The following PYGB variants were observed in gnomAD, a reference collection of about 807,000 sequenced individuals.
PYGB encodes glycogen phosphorylase, brain form.
Under a neutral mutation model 94.3 loss-of-function variants are expected in PYGB, and 82 were observed. The ratio of observed to expected loss-of-function variants is 0.87; its 90% CI spans 0.73 to 1.04. The LOEUF (loss-of-function observed/expected upper bound fraction) is 1.04, where lower values mean the gene tolerates loss of function less well. Among genes scored for constraint, PYGB ranks in the 50% least tolerant of loss-of-function variants. The pLI, the probability that PYGB is intolerant of heterozygous loss-of-function variation, is 0.00. For synonymous variants in PYGB, 488 were observed against 479.1 expected (o/e 1.02, Z -0.24); for missense variants, 1,132 against 1,158.2 (o/e 0.98, Z 0.33).
chr20:25,277,483 G>C (rs758419644), intron 7 of PYGB, among the ~76,000 whole-genome samples, 157 bp downstream of exon 7: 1 of 152,166 alleles, frequency 6.6e-6, no homozygotes, highest in Non-Finnish European at 1.5e-5. Flanking sequence ...CGATGCCCTT[G>C]GGGAGGAGAG....
intron 1 of PYGB, among the ~76,000 whole-genome samples, chr20:25,256,029 G>A (rs956782456): frequency 2.0e-5 from 3 of 152,152 alleles, no homozygotes; most frequent in Non-Finnish European, 4.4e-5. Context: ...CATCACACCT[G>A]GCTCCAGCTC....
intron 19 of PYGB, 88 bp downstream of exon 19, chr20:25,295,758 G>C: frequency 1.4e-6 from 2 of 1,428,158 alleles, no homozygotes; most frequent in South Asian, 2.3e-5. Flanking sequence ...CCCAAGCTGA[G>C]TAGATTCTTG....
rs1427786531 is a variant in PYGB, at chr20:25,297,196, A to G, written c.*674A>G. ...GGAACCCGGGATGACTGAGGGGGAC[A>G]CTGGAGTGGGTGCTTGTGTCTGCTG... is the stretch of plus-strand genomic sequence containing the variant. On this transcript the variant is annotated 3_prime_UTR_variant, in exon 20 of 20. Coordinates refer to ENST00000216962, the MANE Select transcript of PYGB (RefSeq NM_002862.4). 1 of 152,530 alleles carries G rather than the reference A, an allele frequency of 6.6e-6. No individual in the cohort carries two copies. Among genetic ancestry groups the G allele is most frequent in the Non-Finnish European group, 1.5e-5 (1 of 68,284 alleles). The allele number at this position is 152,530 out of a possible 1,614,324, so 9.4% of individuals were successfully genotyped here.
chr20:25,265,109 C>T (rs1306167490), intron 2 of PYGB, among the ~76,000 whole-genome samples: 1 of 152,160 alleles, frequency 6.6e-6, no homozygotes, highest in African/African-American at 2.4e-5. Context: ...GTAGAGCCCT[C>T]AGAAATAATA....
At chr20:25,286,986 C>T (rs2424701) in intron 14 of PYGB, among the ~76,000 whole-genome samples, 23,855 of 152,254 alleles carry the variant, frequency 0.16, 2,167 homozygotes, top group East Asian at 0.35. Flanking sequence ...AGCTGCATTC[C>T]TCCTGGAGCC....
At chr20:25,251,844 C>T (rs1306243742) in intron 1 of PYGB, among the ~76,000 whole-genome samples, 1 of 152,230 alleles carries the variant, frequency 6.6e-6, no homozygotes, top group African/African-American at 2.4e-5. Context: ...GCAGCTCTAC[C>T]TTGGGGCCCA....
At chr20:25,250,529 T>C (rs1281728995) in intron 1 of PYGB, among the ~76,000 whole-genome samples, 2 of 152,216 alleles carry the variant, frequency 1.3e-5, no homozygotes, top group Non-Finnish European at 2.9e-5. Context: ...AGGAAGGACA[T>C]GGAAAATTGG....
At chr20:25,289,948 T>C (rs1434940122) in intron 15 of PYGB, 2 of 533,438 alleles carry the variant, frequency 3.7e-6, no homozygotes, top group Non-Finnish European at 7.7e-6. Context: ...ATGGGTCCCC[T>C]GCCCAGTTGT....
chr20:25,253,433 C>T (rs1341146066), intron 1 of PYGB, among the ~76,000 whole-genome samples: 1 of 152,068 alleles, frequency 6.6e-6, no homozygotes, highest in Non-Finnish European at 1.5e-5. Context: ...AGGTGGATCA[C>T]CTGAGGTCAA....
At chr20:25,280,437 G>A in intron 10 of PYGB, 25 bp downstream of exon 10, 2 of 1,612,556 alleles carry the variant, frequency 1.2e-6, no homozygotes, top group Non-Finnish European at 8.5e-7. Flanking sequence ...AGCTGGCCGT[G>A]TAGGGTGGCG....
chr20:25,276,224 G>C (rs1403292453), intron 5 of PYGB, among the ~76,000 whole-genome samples: 1 of 152,294 alleles, frequency 6.6e-6, no homozygotes, highest in South Asian at 2.1e-4. Flanking sequence ...GGTGATCTGC[G>C]GGGCAAGCAT....
Position 25,248,254 on chromosome 20 carries a change from G to T in PYGB, c.76G>T (p.Ala26Ser). ...VRGLAGLGDVAEVRKSFNRHL... is the reference protein window; with the variant it reads ...VRGLAGLGDVSEVRKSFNRHL... ...CGGCCTGGCGGGGCTAGGCGACGTGGCCGAGGTGCGGAAGAGCTTCAACCG... is the reference window on the plus strand; with the variant it reads ...CGGCCTGGCGGGGCTAGGCGACGTGTCCGAGGTGCGGAAGAGCTTCAACCG... Residue 26 changes from alanine (A) to serine (S), a missense_variant, in exon 1 of 20, where the codon GCC (alanine) becomes TCC (serine). Transcript: ENST00000216962. The T allele has an allele frequency of 6.3e-7, 1 of 1,598,760 alleles. No homozygotes were observed. The highest frequency in any genetic ancestry group is 1.4e-5 in the African/African-American group (1 of 73,536).
rs2088384808 is a variant in PYGB, at chr20:25,283,213, TGAA to T, written c.1561_1563del (p.Lys521del). On this transcript the variant is annotated inframe_deletion, in exon 13 of 20. Transcript: ENST00000216962. ...GAGTTCCTGACTGACCTGAGCCAGC[TGAA>T]GAAGCTGCTGCCGCTGGTCAGTGAC... 1.2e-6 allele frequency: 2 copies of T among 1,613,754 alleles called. No individual in the cohort carries two copies. The highest frequency in any genetic ancestry group is 1.7e-6 in the Non-Finnish European group (2 of 1,179,854).
At chr20:25,278,130 G>T (rs2088330094) in intron 7 of PYGB, among the ~76,000 whole-genome samples, 189 bp from the exon 8 acceptor site, 1 of 152,262 alleles carries the variant, frequency 6.6e-6, no homozygotes, top group South Asian at 2.1e-4. Flanking sequence ...GTGTCCCGGG[G>T]TGTGTCCCAC....
chr20:25,259,935 T>C (rs2092909935), intron 2 of PYGB, among the ~76,000 whole-genome samples: 1 of 152,222 alleles, frequency 6.6e-6, no homozygotes, highest in Non-Finnish European at 1.5e-5. Context: ...TATAACCTTT[T>C]ACCTGCGCAT....
intron 10 of PYGB, 152 bp downstream of exon 10, chr20:25,280,564 G>C: frequency 8.7e-7 from 1 of 1,147,622 alleles, no homozygotes; most frequent in Non-Finnish European, 1.2e-6. Context: ...TCCCTTGGCA[G>C]AGCTATTGGC....
chr20:25,292,350 C>A (rs954938014), intron 16 of PYGB, 56 bp from the exon 17 acceptor site: 3 of 1,579,870 alleles, frequency 1.9e-6, no homozygotes, highest in Admixed American at 3.4e-5. Flanking sequence ...GTGAGCCTTG[C>A]GGCTGAGGAC....
rs2088375508 is a variant in PYGB, at chr20:25,282,294, G to GC, written c.1518+151dup. The GC allele has an allele frequency of 8.7e-6, 6 of 687,876 alleles. No individual in the cohort carries two copies. In the South Asian group the frequency reaches 1.1e-4, roughly 13 times the overall value. The allele number at this position is 687,876 out of a possible 1,614,324, so 42.6% of individuals were successfully genotyped here. On this transcript the variant is annotated intron_variant, in intron 12 of 19. Coordinates refer to ENST00000216962, the MANE Select transcript of PYGB (RefSeq NM_002862.4). The stretch of plus-strand genomic sequence containing the variant: ...GCAGGCTTCTGGACATGAGGGCTGA[G>GC]CCCCTGAACATGGGCGCTGAGCTGG...
At chr20:25,259,547 G>C (rs1337406902) in intron 2 of PYGB, among the ~76,000 whole-genome samples, 1 of 152,182 alleles carries the variant, frequency 6.6e-6, no homozygotes, top group Non-Finnish European at 1.5e-5. Flanking sequence ...CGAACGGACC[G>C]CAAGCGTGGG....
Sources: allele counts gnomAD v4.1 joint callset (sites outside exome capture counted in the v4.1 genomes callset), GRCh38; gene constraint gnomAD v4.1.1; transcripts MANE v1.5; gene names NCBI Gene and HGNC (gene_info 2026-07-23, HGNC 2026-07-21).